Variants in MAML3 observed in about 807,000 individuals in gnomAD.
MAML3 encodes mastermind-like protein 3.
A neutral mutation model predicts 101.9 loss-of-function variants in MAML3; 27 were observed. The ratio of observed to expected loss-of-function variants is 0.27; its 90% CI spans 0.20 to 0.37. The LOEUF (loss-of-function observed/expected upper bound fraction) is 0.37. MAML3 is among the 10% of genes least tolerant of loss of function. The probability of loss-of-function intolerance (pLI) is 1.00; values close to 1 mark genes in which losing one functional copy is unlikely to be tolerated. For synonymous variants in MAML3, 501 were observed against 555.9 expected, an observed-to-expected ratio of 0.90 and a Z score of 1.39; for missense variants, 1,316 against 1,444.9, an observed-to-expected ratio of 0.91 and a Z score of 1.45.
At position 139,870,946 on chromosome 4, in the gene MAML3, C is replaced by T. The variant is rs74989482; in HGVS notation, c.2079+18411G>A. Among the ~76,000 whole-genome samples the T allele has an allele frequency of 1.5e-3, 227 of 152,222 alleles. 1 individual carries two copies. In the Middle Eastern group the frequency reaches 0.021, roughly 14 times the overall value. On this transcript the variant is annotated intron_variant, in intron 2 of 4. Transcript: ENST00000509479. ...GGAAAAGAAGTATCAGTTGTGTTTC[C>T]ATTAGTTAGAACTACCTAGGGCTAA...
In MAML3 at chr4:140,153,288, T is replaced by G. The variant is rs1411016589; in HGVS notation, c.40A>C (p.Ser14Arg). The change falls in exon 1 of 5, where the codon AGT becomes CGT. Residue 14 changes from serine (S) to arginine (R), a missense_variant. Physicochemically the swap from Ser to Arg is moderately radical, Grantham distance 110. Coordinates refer to ENST00000509479, the MANE Select transcript of MAML3 (RefSeq NM_018717.5). ...FAAPAAAANG[S>R]SICINSSLNS... is the part of the protein sequence containing the mutation. The stretch of plus-strand genomic sequence containing the variant: ...AGGCTACTGTTGATGCAAATACTAC[T>G]GCCATTCGCGGCAGCAGCGGGGGCT... 2 of 1,604,876 alleles carry G rather than the reference T, an allele frequency of 1.2e-6. No individual in the cohort carries two copies. The highest frequency in any genetic ancestry group is 8.5e-7 in the Non-Finnish European group (1 of 1,175,360).
At chr4:139,860,732 C>CTATG (rs141911941) in intron 2 of MAML3, among the ~76,000 whole-genome samples, 1 of 152,204 alleles carries the variant, frequency 6.6e-6, no homozygotes, top group East Asian at 1.9e-4. Context: ...ATACATATAC[C>CTATG]TATGTATACA....
At position 140,084,391 on chromosome 4, in the gene MAML3, G is replaced by A. The variant is rs72714215; in HGVS notation, c.468+68469C>T. Among the ~76,000 whole-genome samples, 520 of 152,176 alleles carry A rather than the reference G, an allele frequency of 3.4e-3. 5 individuals are homozygous for A. The highest frequency in any genetic ancestry group is 3.7e-3 in the Non-Finnish European group (249 of 68,016). On this transcript the variant is annotated intron_variant, in intron 1 of 4. Transcript: ENST00000509479. ...GCCACGTGCACAACCTAATGTGCAC[G>A]TATACACAGGGAATGAAGGTATGAA...
At chr4:140,060,380 A>AAAAAAAAAAAAAAAAAAAAAAAAAAAAC (rs1727425700) in intron 1 of MAML3, among the ~76,000 whole-genome samples, 1 of 147,902 alleles carries the variant, frequency 6.8e-6, no homozygotes. Flanking sequence ...AAAAAAAAAA[A>AAAAAAAAAAAAAAAAAAAAAAAAAAAAC]AAAAAGTCAC....
intron 3 of MAML3, 84 bp from the exon 4 acceptor site, chr4:139,725,919 G>T: frequency 8.6e-7 from 1 of 1,161,094 alleles, no homozygotes; most frequent in Non-Finnish European, 1.3e-6. Flanking sequence ...TCCGAGGAAG[G>T]TAGTGTTTTC....
intron 2 of MAML3, among the ~76,000 whole-genome samples, chr4:139,869,888 C>T (rs534276667): frequency 1.1e-4 from 17 of 152,280 alleles, no homozygotes; most frequent in African/African-American, 4.1e-4. Flanking sequence ...CTTTCTTGTG[C>T]CCATTTCATT....
At chr4:140,131,052 G>C (rs1215493668) in intron 1 of MAML3, among the ~76,000 whole-genome samples, 2 of 151,914 alleles carry the variant, frequency 1.3e-5, no homozygotes, top group Non-Finnish European at 2.9e-5. Flanking sequence ...TCCAAGCAGG[G>C]GGCATGCACA....
At chr4:140,134,575 T>C (rs1361664539) in intron 1 of MAML3, 1 of 343,220 alleles carries the variant, frequency 2.9e-6, no homozygotes, top group Non-Finnish European at 5.8e-6. Flanking sequence ...AGTGTTAAAA[T>C]ATAAACTCCG....
intron 1 of MAML3, among the ~76,000 whole-genome samples, chr4:140,098,459 G>A (rs556995854): frequency 7.1e-4 from 108 of 152,296 alleles, no homozygotes; most frequent in Non-Finnish European, 6.2e-4. Context: ...TGAGCACCTC[G>A]TATACGCCAG....
At chr4:139,945,625 A>G (rs1733713033) in intron 1 of MAML3, among the ~76,000 whole-genome samples, 1 of 152,240 alleles carries the variant, frequency 6.6e-6, no homozygotes, top group East Asian at 1.9e-4. Context: ...TGTTAACTTT[A>G]AACTAGGTTC....
At chr4:139,801,523 T>C (rs1163245262) in intron 2 of MAML3, among the ~76,000 whole-genome samples, 1 of 152,014 alleles carries the variant, frequency 6.6e-6, no homozygotes, top group South Asian at 2.1e-4. Context: ...ACTTTTTCCG[T>C]CAAAAGGAAA....
At position 139,915,750 on chromosome 4, in the gene MAML3, G is replaced by T. The variant is rs1448778674; in HGVS notation, c.469-24783C>A. On this transcript the variant is annotated intron_variant, in intron 1 of 4. Coordinates refer to ENST00000509479, the MANE Select transcript of MAML3 (RefSeq NM_018717.5). ...ACATGGCACCTTATATGGAGTGGGG[G>T]TTCACAGTGAACATGCCCTGACCTC... Among the ~76,000 whole-genome samples the T allele has an allele frequency of 2.4e-4, 37 of 152,150 alleles. 2 individuals are homozygous for T. The highest frequency in any genetic ancestry group is 2.4e-3 in the Admixed American group (37 of 15,276).
intron 1 of MAML3, among the ~76,000 whole-genome samples, chr4:140,122,244 A>G (rs1016150668): frequency 2.7e-5 from 4 of 145,714 alleles, no homozygotes; most frequent in African/African-American, 1.0e-4. Flanking sequence ...TTTTTTAAAC[A>G]GAGTTTCGCT....
At position 139,720,100 on chromosome 4, in the gene MAML3, T is replaced by C; in HGVS notation, c.2640A>G (p.Gln880=). ...CACTTTGGTTTGGATGCTGCAACAT[T>C]TGGGTCATGCCTGTGCTCATATTGT... ...GMYNMSTGMT[Q]MLQHPNQSGM... The change falls in exon 5 of 5, where the codon CAA becomes CAG. Residue 880 remains glutamine (Q), a synonymous_variant. Coordinates refer to ENST00000509479, the MANE Select transcript of MAML3 (RefSeq NM_018717.5). 6.2e-7 allele frequency: 1 copy of C among 1,614,076 alleles called. No homozygotes were observed. The highest frequency in any genetic ancestry group is 8.5e-7 in the Non-Finnish European group (1 of 1,179,902).
chr4:139,763,915 G>A (rs1234058978), intron 2 of MAML3, among the ~76,000 whole-genome samples: 2 of 152,194 alleles, frequency 1.3e-5, no homozygotes. Context: ...AATAGCCAAA[G>A]TGGAAGTGCT....
chr4:140,069,917 A>G (rs1311077578), intron 1 of MAML3, among the ~76,000 whole-genome samples: 1 of 152,046 alleles, frequency 6.6e-6, no homozygotes, highest in African/African-American at 2.4e-5. Context: ...GGAGTCCCAG[A>G]CCAGCCTGAC....
intron 1 of MAML3, among the ~76,000 whole-genome samples, chr4:140,004,607 C>G (rs912116161): frequency 6.6e-6 from 1 of 152,138 alleles, no homozygotes; most frequent in African/African-American, 2.4e-5. Flanking sequence ...CTTAGTGCAA[C>G]GGGCTGCGAG....
At chr4:140,027,156 T>C (rs1726839771) in intron 1 of MAML3, among the ~76,000 whole-genome samples, 1 of 152,202 alleles carries the variant, frequency 6.6e-6, no homozygotes, top group East Asian at 1.9e-4. Context: ...CATGGCGTGC[T>C]TGAAGAAAAA....
intron 1 of MAML3, among the ~76,000 whole-genome samples, chr4:140,069,409 AGG>A (rs1727597219): frequency 1.0e-5 from 1 of 99,590 alleles, no homozygotes; most frequent in Admixed American, 1.0e-4. Flanking sequence ...GAGGAGGAGG[AGG>A]AGGAGGAGGG....
Sources: allele counts gnomAD v4.1 joint callset (sites outside exome capture counted in the v4.1 genomes callset), GRCh38; gene constraint gnomAD v4.1.1; transcripts MANE v1.5; gene names NCBI Gene and HGNC (gene_info 2026-07-23, HGNC 2026-07-21).